Variants in ADGRB3 observed in about 807,000 individuals in gnomAD.
ADGRB3 encodes the protein adhesion G protein-coupled receptor B3, also known as brain-specific angiogenesis inhibitor 3.
Under a neutral mutation model 193.4 loss-of-function variants are expected in ADGRB3, and 37 were observed. That is an observed-to-expected ratio of 0.19 (90% CI 0.15 to 0.25). The LOEUF is 0.25. Among genes scored for constraint, ADGRB3 ranks in the 10% least tolerant of loss-of-function variants. The pLI is 1.00. For missense variants in ADGRB3, 1,637 were observed against 1,852.9 expected (o/e 0.88, Z 2.14); for synonymous variants, 690 against 644.2 (o/e 1.07, Z -1.08).
chr6:69,307,894 G>A (rs542609750), intron 20 of ADGRB3, among the ~76,000 whole-genome samples: 1 of 151,468 alleles, frequency 6.6e-6, no homozygotes, highest in East Asian at 2.0e-4. Flanking sequence ...GGATGAGGTG[G>A]TTCGATTCAA....
intron 10 of ADGRB3, among the ~76,000 whole-genome samples, chr6:68,991,073 C>T (rs1187793775): frequency 2.0e-5 from 3 of 151,910 alleles, no homozygotes; most frequent in Non-Finnish European, 2.9e-5. Flanking sequence ...GAGCACCAGA[C>T]GTTTTTCAGC....
chr6:68,715,510 A>G (rs538462399), intron 3 of ADGRB3, among the ~76,000 whole-genome samples: 2 of 151,910 alleles, frequency 1.3e-5, no homozygotes, highest in East Asian at 3.9e-4. Flanking sequence ...ATGTGTACCA[A>G]TAAGTGATGT....
chr6:69,294,671 CAG>C lies in ADGRB3; in HGVS notation c.2815-30200_2815-30199del, dbSNP rs578195291. On this transcript the variant is annotated intron_variant, in intron 20 of 31. Transcript: ENST00000370598. ...TTATATAATGAAGATAAAATCCGTGCAGTGGGGCTGGAAATGTTCACATTTGG... is the reference window on the plus strand; with the variant it reads ...TTATATAATGAAGATAAAATCCGTGCTGGGGCTGGAAATGTTCACATTTGG... Among the ~76,000 whole-genome samples the C allele has an allele frequency of 1.4e-4, 21 of 152,152 alleles. No individual in the cohort carries two copies. The East Asian group carries it at 3.7e-3, about 27-fold the overall frequency.
At chr6:68,885,143 T>C (rs984810201) in intron 3 of ADGRB3, among the ~76,000 whole-genome samples, 3 of 152,144 alleles carry the variant, frequency 2.0e-5, no homozygotes, top group Admixed American at 6.6e-5. Flanking sequence ...GGTCAGGGCA[T>C]TTTTTGGGGA....
intron 3 of ADGRB3, among the ~76,000 whole-genome samples, chr6:68,807,790 A>G (rs1474557902): frequency 6.6e-6 from 1 of 152,192 alleles, no homozygotes; most frequent in Non-Finnish European, 1.5e-5. Context: ...AGGAGATACT[A>G]TGCCACTTTA....
At chr6:68,741,511 C>T (rs1409592473) in intron 3 of ADGRB3, among the ~76,000 whole-genome samples, 2 of 152,104 alleles carry the variant, frequency 1.3e-5, no homozygotes, top group Admixed American at 6.6e-5. Context: ...CTGAGCCTCC[C>T]GAGTAGCTGG....
intron 25 of ADGRB3, 95 bp from the exon 26 acceptor site, chr6:69,339,238 G>A (rs1036904360): frequency 6.9e-7 from 1 of 1,439,186 alleles, no homozygotes; most frequent in Non-Finnish European, 9.4e-7. Flanking sequence ...AATGGTCTTG[G>A]AACCACATAC....
intron 17 of ADGRB3, among the ~76,000 whole-genome samples, chr6:69,078,747 T>C (rs1187736125): frequency 6.6e-6 from 1 of 152,018 alleles, no homozygotes; most frequent in Non-Finnish European, 1.5e-5. Flanking sequence ...TATAACCCCG[T>C]TTGATACTTT....
At chr6:69,376,711 G>A (rs573469774) in intron 30 of ADGRB3, among the ~76,000 whole-genome samples, 2 of 152,138 alleles carry the variant, frequency 1.3e-5, no homozygotes, top group South Asian at 2.1e-4. Context: ...TCAAAGAAAT[G>A]TCTTGTTCAT....
intron 3 of ADGRB3, among the ~76,000 whole-genome samples, chr6:68,681,255 T>C (rs1159713543): frequency 6.6e-6 from 1 of 152,150 alleles, no homozygotes; most frequent in African/African-American, 2.4e-5. Context: ...TTCAACATCA[T>C]TGGGCATCAA....
intron 17 of ADGRB3, among the ~76,000 whole-genome samples, chr6:69,181,271 C>T (rs1270904222): frequency 1.3e-5 from 2 of 151,618 alleles, no homozygotes; most frequent in East Asian, 1.9e-4. Flanking sequence ...CTGAAGCATG[C>T]CTCTAATCAC....
chr6:69,007,515 A>G (rs913389662), intron 11 of ADGRB3, among the ~76,000 whole-genome samples: 4 of 151,798 alleles, frequency 2.6e-5, no homozygotes, highest in African/African-American at 9.7e-5. Flanking sequence ...TCAGACTGTC[A>G]TTTACCCAGG....
chr6:68,658,321 CTTAGCTTATCCCATGT>C (rs2127285477), intron 3 of ADGRB3, among the ~76,000 whole-genome samples: 1 of 151,320 alleles, frequency 6.6e-6, no homozygotes, highest in Non-Finnish European at 1.5e-5. Context: ...TCAAAAAGAA[CTTAGCTTATCCCATGT>C]TTTGTAACTA....
intron 3 of ADGRB3, among the ~76,000 whole-genome samples, chr6:68,738,710 G>GA (rs1765920561): frequency 6.6e-6 from 1 of 152,010 alleles, no homozygotes; most frequent in Non-Finnish European, 1.5e-5. Context: ...CTGAGATGAG[G>GA]AAAAAACAAA....
At chr6:69,070,995 G>A (rs1213478048) in intron 16 of ADGRB3, among the ~76,000 whole-genome samples, 1 of 152,138 alleles carries the variant, frequency 6.6e-6, no homozygotes, top group Non-Finnish European at 1.5e-5. Context: ...TTTCCTAGTT[G>A]TACCTAGTCG....
At chr6:68,645,273 T>G (rs750883251) in intron 3 of ADGRB3, among the ~76,000 whole-genome samples, 6 of 152,182 alleles carry the variant, frequency 3.9e-5, no homozygotes, top group Non-Finnish European at 5.9e-5. Flanking sequence ...TATTATCACT[T>G]TCTTCTTTTC....
At chr6:68,867,580 C>T (rs1765332023) in intron 3 of ADGRB3, among the ~76,000 whole-genome samples, 1 of 152,090 alleles carries the variant, frequency 6.6e-6, no homozygotes, top group Non-Finnish European at 1.5e-5. Flanking sequence ...TTCTCCAGAC[C>T]CCAGAATGGT....
chr6:68,857,526 A>G (rs1206454563), intron 3 of ADGRB3, among the ~76,000 whole-genome samples: 1 of 152,198 alleles, frequency 6.6e-6, no homozygotes, highest in African/African-American at 2.4e-5. Flanking sequence ...TGGGCCCTGT[A>G]ATCCCTTTGT....
intron 26 of ADGRB3, among the ~76,000 whole-genome samples, chr6:69,353,568 A>G (rs1769272389): frequency 6.6e-6 from 1 of 152,228 alleles, no homozygotes; most frequent in African/African-American, 2.4e-5. Context: ...TGCCATAGCA[A>G]ATAGTAAATC....
Sources: allele counts gnomAD v4.1 joint callset (sites outside exome capture counted in the v4.1 genomes callset), GRCh38; gene constraint gnomAD v4.1.1; transcripts MANE v1.5; gene names NCBI Gene and HGNC (gene_info 2026-07-23, HGNC 2026-07-21).